Variants in CEL observed in about 807,000 individuals in gnomAD.
The protein encoded by CEL is carboxyl ester lipase.
Under a neutral mutation model 57.1 loss-of-function variants are expected in CEL, and 39 were observed. That is an observed-to-expected ratio of 0.68 (90% CI 0.53 to 0.89). CEL has a LOEUF of 0.89. CEL is among the 40% of genes least tolerant of loss of function. The pLI, the probability that CEL is intolerant of heterozygous loss-of-function variation, is 0.00. For missense variants in CEL, 698 were observed against 915.0 expected, an observed-to-expected ratio of 0.76 and a Z score of 3.06; for synonymous variants, 314 against 396.6, an observed-to-expected ratio of 0.79 and a Z score of 2.48.
At chr9:133,067,562 A>G (rs1830200933) in intron 7 of CEL, among the ~76,000 whole-genome samples, 1 of 152,070 alleles carries the variant, frequency 6.6e-6, no homozygotes, top group Non-Finnish European at 1.5e-5. Flanking sequence ...TTTAGTAGGG[A>G]TGGAGTTTCA....
At chr9:133,064,252 G>A (rs1200459582) in intron 1 of CEL, 152 bp from the exon 2 acceptor site, 3 of 941,488 alleles carry the variant, frequency 3.2e-6, no homozygotes, top group Non-Finnish European at 3.3e-6. Flanking sequence ...GCATTGCAGG[G>A]CAGGGGGTGC....
rs1312927333 is a variant in CEL at position 133,062,024 on chromosome 9, G to A, written c.22G>A (p.Val8Met). The A allele has an allele frequency of 6.5e-7, 1 of 1,550,048 alleles. No homozygotes were observed. Among genetic ancestry groups the A allele is most frequent in the East Asian group, 2.4e-5 (1 of 40,820 alleles). Residue 8 changes from valine to methionine, a missense_variant, in exon 1 of 11, where the codon GTG becomes ATG. Physicochemically the swap from Val to Met is conservative, Grantham distance 21 (BLOSUM62 1). This residue lies in a region of CEL where 3 missense variants were observed against 25.8 expected (regional missense o/e 0.12). Transcript: ENST00000372080. ...CACCATGGGGCGCCTGCAACTGGTT[G>A]TGTTGGGCCTCACCTGCTGCTGGGC... MGRLQLV[V>M]LGLTCCWAVA...
rs1331731109 is a variant in CEL at position 133,066,592 on chromosome 9, T to G, written c.601T>G (p.Phe201Val). The change falls in exon 5 of 11, where the codon TTC becomes GTC. Residue 201 changes from phenylalanine (F) to valine (V), a missense_variant. By Grantham distance (50) the Phe-to-Val change is conservative (BLOSUM62 -1). Coordinates refer to ENST00000372080, the MANE Select transcript of CEL (RefSeq NM_001807.6). The surrounding 1 kb of genome is among the most constrained non-coding windows in gnomAD (Gnocchi z 4.3). ...IAWVKRNIAAFGGDPNNITLF... is the reference protein window; with the variant it reads ...IAWVKRNIAAVGGDPNNITLF... The stretch of plus-strand genomic sequence containing the variant: ...TTGGGTGAAGAGGAATATCGCGGCC[T>G]TCGGGGGGGACCCCAACAACATCAC... 2 of 1,613,820 alleles carry G rather than the reference T, an allele frequency of 1.2e-6. No individual in the cohort carries two copies. The highest frequency in any genetic ancestry group is 2.7e-5 in the African/African-American group (2 of 74,900).
chr9:133,068,959 G>C, intron 8 of CEL, 97 bp from the exon 9 acceptor site: 2 of 1,390,522 alleles, frequency 1.4e-6, no homozygotes, highest in East Asian at 4.7e-5. Context: ...ATTGAGTGGA[G>C]GACTGGGAGT....
At chr9:133,064,308 T>C (rs1830138280) in intron 1 of CEL, 96 bp from the exon 2 acceptor site, 2 of 1,549,706 alleles carry the variant, frequency 1.3e-6, no homozygotes, top group African/African-American at 2.7e-5. Flanking sequence ...AAGCTGTCTT[T>C]GCCTCTGGGC....
At chr9:133,063,575 C>T (rs1046289643) in intron 1 of CEL, among the ~76,000 whole-genome samples, 12 of 152,310 alleles carry the variant, frequency 7.9e-5, no homozygotes, top group Middle Eastern at 3.4e-3. Context: ...CCATGCACCA[C>T]GGGAAGAGGG....
In CEL at chr9:133,070,534, G is replaced by A. The variant is rs1346979822; in HGVS notation, c.1360G>A (p.Asp454Asn). The change falls in exon 10 of 11, where the codon GAC (aspartate) becomes AAC (asparagine). Residue 454 changes from aspartate to asparagine, a missense_variant. By Grantham distance (23) the Asp-to-Asn change is conservative. This residue lies in a region of CEL where 111 missense variants were observed against 147.3 expected (regional missense o/e 0.75). Transcript: ENST00000372080. Reference sequence around the variant, plus strand: ...CGTCTACCCCAAATGGGTGGGGGCCGACCATGCAGATGACATTCAGTACGT... The same window carrying A: ...CGTCTACCCCAAATGGGTGGGGGCCAACCATGCAGATGACATTCAGTACGT... ...MPVYPKWVGA[D>N]HADDIQYVFG... is the part of the protein sequence containing the mutation. The A allele has an allele frequency of 2.5e-6, 4 of 1,613,912 alleles. No homozygotes were observed. The highest frequency in any genetic ancestry group is 2.2e-5 in the East Asian group (1 of 44,878).
Position 133,070,616 on chromosome 9 carries a change from C to G in CEL, c.1442C>G (p.Ser481Cys). ...TGYRPQDRTV[S>C]KAMIAYWTNF... ...TACCGGCCCCAAGACAGGACAGTCT[C>G]TAAGGCCATGATCGCCTACTGGACC... Residue 481 changes from serine to cysteine, a missense_variant, in exon 10 of 11, where the codon TCT (serine) becomes TGT (cysteine). Ser to Cys is a moderately radical substitution (Grantham distance 112). Coordinates refer to ENST00000372080, the MANE Select transcript of CEL (RefSeq NM_001807.6). 1.2e-6 allele frequency: 2 copies of G among 1,614,222 alleles called. No homozygotes were observed. Among genetic ancestry groups the G allele is most frequent in the South Asian group, 1.1e-5 (1 of 91,086 alleles).
At position 133,071,814 on chromosome 9, in the gene CEL, G is replaced by C; in HGVS notation, c.*50G>C. 2 of 1,528,956 alleles carry C rather than the reference G, an allele frequency of 1.3e-6. No individual in the cohort carries two copies. Among genetic ancestry groups the C allele is most frequent in the Admixed American group, 1.7e-5 (1 of 59,050 alleles). 94.7% of individuals were successfully genotyped at this position (1,528,956 alleles called of 1,614,324 possible). The stretch of plus-strand genomic sequence containing the variant: ...AGGCCACAAGAGTGGGACCCCAGGG[G>C]CTCCCCTCCCATCTTGAGCTCTTCC... On this transcript the variant is annotated 3_prime_UTR_variant, in exon 11 of 11. Transcript: ENST00000372080.
Position 133,071,342 on chromosome 9 carries a change from C to T in CEL, c.1840C>T (p.Pro614Ser), listed in dbSNP as rs1196132241. The change falls in exon 11 of 11, where the codon CCC becomes TCC. Residue 614 changes from proline (P) to serine (S), a missense_variant. Pro to Ser is a moderately conservative substitution (Grantham distance 74, BLOSUM62 -1). This residue lies in a region of CEL where 238 missense variants were observed against 213.7 expected (regional missense o/e 1.11). Coordinates refer to ENST00000372080, the MANE Select transcript of CEL (RefSeq NM_001807.6). The stretch of plus-strand genomic sequence containing the variant: ...GCCCACGGGTGACTCCGGGGCCCCC[C>T]CCGTGCCGCCCACGGGTGACTCCGG... ...VPPTGDSGAP[P>S]VPPTGDSGAP... 3 of 309,582 alleles carry T rather than the reference C, an allele frequency of 9.7e-6. No homozygotes were observed. Among genetic ancestry groups the T allele is most frequent in the Admixed American group, 7.5e-5 (1 of 13,336 alleles). 19.2% of individuals were successfully genotyped at this position (309,582 alleles called of 1,614,324 possible). A position where few individuals can be genotyped will look rare whatever the true frequency, so the allele number is the denominator to read the frequency against.
Position 133,070,530 on chromosome 9 carries a change from G to A in CEL, c.1356G>A (p.Gly452=), listed in dbSNP as rs373138099. 10 of 1,613,936 alleles carry A rather than the reference G, an allele frequency of 6.2e-6. No homozygotes were observed. In the East Asian group the frequency reaches 6.7e-5, roughly 11 times the overall value. The stretch of plus-strand genomic sequence containing the variant: ...TGCCCGTCTACCCCAAATGGGTGGG[G>A]GCCGACCATGCAGATGACATTCAGT... ...SRMPVYPKWV[G]ADHADDIQYV... Residue 452 remains glycine, a synonymous_variant, in exon 10 of 11, where the codon GGG becomes GGA. Transcript: ENST00000372080.
Position 133,066,109 on chromosome 9 carries a change from C to A in CEL, c.539-421C>A, listed in dbSNP as rs1028912326. Among the ~76,000 whole-genome samples, 1 of 152,106 alleles carries A rather than the reference C, an allele frequency of 6.6e-6. No homozygotes were observed. The highest frequency in any genetic ancestry group is 2.4e-5 in the African/African-American group (1 of 41,404). On this transcript the variant is annotated intron_variant, in intron 4 of 10. Coordinates refer to ENST00000372080, the MANE Select transcript of CEL (RefSeq NM_001807.6). This position sits in a 1 kb window ranked among gnomAD's most constrained non-coding sequence, Gnocchi z 4.3. ...GCAGAGCTGAGTGAGAGACAGAGAA[C>A]AATACCTTGAGGCAGAGACAGCTGT... is the stretch of plus-strand genomic sequence containing the variant.
chr9:133,071,209 T>A lies in CEL; in HGVS notation c.1707T>A (p.Thr569=). The A allele has an allele frequency of 6.3e-7, 1 of 1,580,686 alleles. No homozygotes were observed. The highest frequency in any genetic ancestry group is 8.6e-7 in the Non-Finnish European group (1 of 1,168,368). ...CCCCCACAGGGGACTCCGAGGCCAC[T>A]CCCGTGCCCCCCACGGGTGACTCCG... is the stretch of plus-strand genomic sequence containing the variant. The part of the protein sequence containing the change: ...PVPPTGDSEA[T]PVPPTGDSET... The change falls in exon 11 of 11, where the codon ACT becomes ACA. Residue 569 remains threonine, a synonymous_variant. Coordinates refer to ENST00000372080, the MANE Select transcript of CEL (RefSeq NM_001807.6).
chr9:133,064,607 T>C lies in CEL; in HGVS notation c.218-33T>C. ...CTGCGGCGGGGCGGGTGAGGGCGGCTGCCTTCCTCATGCCAACTCCTGCCA... is the reference window on the plus strand; with the variant it reads ...CTGCGGCGGGGCGGGTGAGGGCGGCCGCCTTCCTCATGCCAACTCCTGCCA... On this transcript the variant is annotated intron_variant, in intron 2 of 10. Transcript: ENST00000372080. 5 of 1,613,674 alleles carry C rather than the reference T, an allele frequency of 3.1e-6. No homozygotes were observed. In the South Asian group the frequency reaches 4.4e-5, roughly 14 times the overall value.
At position 133,065,249 on chromosome 9, in the gene CEL, C is replaced by T. The variant is rs1830158798; in HGVS notation, c.538+12C>T. ...CGCCAATCTGCCAGGTGCGTGGGTG[C>T]CTTCGGCCCTGAGGTGGGGCGACCA... On this transcript the variant is annotated intron_variant, in intron 4 of 10. Coordinates refer to ENST00000372080, the MANE Select transcript of CEL (RefSeq NM_001807.6). The T allele has an allele frequency of 6.2e-7, 1 of 1,611,462 alleles. No individual in the cohort carries two copies.
Position 133,067,173 on chromosome 9 carries a change from T to C in CEL, c.863T>C (p.Leu288Pro). The C allele has an allele frequency of 1.2e-6, 2 of 1,613,972 alleles. No homozygotes were observed. Among genetic ancestry groups the C allele is most frequent in the Non-Finnish European group, 1.7e-6 (2 of 1,179,978 alleles). ...GTTACTGATCCCCGAGCCCTGACGC[T>C]GGCCTATAAGGTGCCGCTGGCAGGC... ...LKVTDPRALT[L>P]AYKVPLAGLE... Residue 288 changes from leucine to proline, a missense_variant, in exon 7 of 11, where the codon CTG (leucine) becomes CCG (proline). By Grantham distance (98) the Leu-to-Pro change is moderately conservative. Around this residue, in one of 6 missense-constraint regions of CEL, gnomAD observed 327 missense variants for 374.1 expected, o/e 0.87. Coordinates refer to ENST00000372080, the MANE Select transcript of CEL (RefSeq NM_001807.6).
Position 133,066,713 on chromosome 9 carries a change from A to G in CEL, c.669+53A>G. The G allele has an allele frequency of 3.1e-6, 5 of 1,607,354 alleles. No individual in the cohort carries two copies. Among genetic ancestry groups the G allele is most frequent in the Non-Finnish European group, 3.4e-6 (4 of 1,175,250 alleles). ...GCCCCACAGGTTGAGAGGAAGCTCA[A>G]ACGGGAAGGGGAGGGTGGGAGGAGG... On this transcript the variant is annotated intron_variant, in intron 5 of 10. Transcript: ENST00000372080. This position sits in a 1 kb window ranked among gnomAD's most constrained non-coding sequence, Gnocchi z 4.3.
chr9:133,064,139 C>T (rs1302736125), intron 1 of CEL, among the ~76,000 whole-genome samples: 2 of 152,188 alleles, frequency 1.3e-5, no homozygotes, highest in East Asian at 1.9e-4. Flanking sequence ...ACCTCTTGGC[C>T]GGCTTCCCTA....
intron 7 of CEL, among the ~76,000 whole-genome samples, chr9:133,068,103 C>T (rs1410754524): frequency 7.2e-5 from 11 of 152,234 alleles, no homozygotes; most frequent in Non-Finnish European, 5.9e-5. Flanking sequence ...GCAACCCCCA[C>T]GGCCCCGCTA....
Sources: gnomAD v4.1 joint callset for allele counts (sites outside exome capture counted in the v4.1 genomes callset) on GRCh38, gnomAD v4.1.1 for gene constraint, gnomAD v4.1.1 regional missense constraint, Gnocchi (gnomAD v3.1) non-coding constraint, MANE v1.5 for transcripts, NCBI Gene and HGNC (gene_info 2026-07-23, HGNC 2026-07-21) for gene names.